RFC1: variants seen among roughly 807,000 people sequenced by gnomAD.
The protein encoded by RFC1 is replication factor C subunit 1.
A neutral mutation model predicts 137.4 loss-of-function variants in RFC1; 37 were observed. The observed-to-expected ratio is 0.27, with a 90% confidence interval of 0.21 to 0.35. The LOEUF is 0.35. Among genes scored for constraint, RFC1 ranks in the 10% least tolerant of loss-of-function variants. The probability of loss-of-function intolerance (pLI) is 1.00; values close to 1 mark genes in which losing one functional copy is unlikely to be tolerated. For synonymous variants in RFC1, 429 were observed against 455.7 expected (o/e 0.94, Z 0.75); for missense variants, 1,205 against 1,358.5 (o/e 0.89, Z 1.78).
chr4:39,343,973 G>C (rs1196777267), intron 3 of RFC1, among the ~76,000 whole-genome samples: 1 of 152,080 alleles, frequency 6.6e-6, no homozygotes, highest in Admixed American at 6.5e-5. Context: ...AATTAGCTGG[G>C]CATGGTGGTG....
In RFC1 at chr4:39,321,346, G is replaced by T; in HGVS notation, c.749C>A (p.Thr250Lys). ...KARKDTEAGE[T>K]FSSVQANLSK... ...TAAATTGGCTTGGACAGATGAAAACGTTTCTCCCGCTTCTGTGTCCTTTCG... is the reference window on the plus strand; with the variant it reads ...TAAATTGGCTTGGACAGATGAAAACTTTTCTCCCGCTTCTGTGTCCTTTCG... The change falls in exon 8 of 25, where the codon ACG (threonine) becomes AAG (lysine). Residue 250 changes from threonine (T) to lysine (K), a missense_variant. By Grantham distance (78) the Thr-to-Lys change is moderately conservative. Coordinates refer to ENST00000349703, the MANE Select transcript of RFC1 (RefSeq NM_002913.5). 1.2e-6 allele frequency: 2 copies of T among 1,613,514 alleles called. No individual in the cohort carries two copies. The highest frequency in any genetic ancestry group is 1.7e-6 in the Non-Finnish European group (2 of 1,179,736).
chr4:39,352,206 A>T (rs6835022), intron 1 of RFC1, among the ~76,000 whole-genome samples: 27,261 of 152,012 alleles, frequency 0.18, 2,454 homozygotes, highest in East Asian at 0.23. Context: ...TGTCTGTGGA[A>T]CATATACTCC....
At position 39,288,699 on chromosome 4, in the gene RFC1, T is replaced by C. The variant is rs540475650; in HGVS notation, c.*62A>G. 1 of 1,048,504 alleles carries C rather than the reference T, an allele frequency of 9.5e-7. No individual in the cohort carries two copies. Among genetic ancestry groups the C allele is most frequent in the Non-Finnish European group, 1.5e-6 (1 of 682,336 alleles). 65.0% of individuals were successfully genotyped at this position (1,048,504 alleles called of 1,614,324 possible). A position where few individuals can be genotyped will look rare whatever the true frequency, so the allele number is the denominator to read the frequency against. ...CTCTGGGAAAAAACAAGGCTTTCTC[T>C]AGACCAGCTGGACTGGTCAGGAGGG... is the stretch of plus-strand genomic sequence containing the variant. On this transcript the variant is annotated 3_prime_UTR_variant, in exon 25 of 25. Transcript: ENST00000349703.
At chr4:39,328,826 G>C (rs1739922611) in intron 4 of RFC1, among the ~76,000 whole-genome samples, 1 of 152,150 alleles carries the variant, frequency 6.6e-6, no homozygotes, top group Non-Finnish European at 1.5e-5. Flanking sequence ...AATGCAGGGA[G>C]ACCACTTAGA....
intron 5 of RFC1, among the ~76,000 whole-genome samples, 155 bp from the exon 6 acceptor site, chr4:39,326,795 T>C (rs1224121979): frequency 6.6e-6 from 1 of 152,238 alleles, no homozygotes; most frequent in Non-Finnish European, 1.5e-5. Context: ...GTCAAATTTA[T>C]GGCTACTCCC....
rs1347363976 is a variant in RFC1 at position 39,320,542 on chromosome 4, A to G, written c.936T>C (p.Ser312=). The change falls in exon 9 of 25, where the codon TCT becomes TCC. Residue 312 remains serine, a synonymous_variant. Coordinates refer to ENST00000349703, the MANE Select transcript of RFC1 (RefSeq NM_002913.5). ...TTGCCAGCTTAGAACTGGCCTTGGG[A>G]GAAGAGACTTCTCCTATTTTGTCAG... ...SSADKIGEVS[S]PKASSKLAIM... The G allele has an allele frequency of 6.2e-7, 1 of 1,613,238 alleles. No individual in the cohort carries two copies. Among genetic ancestry groups the G allele is most frequent in the Admixed American group, 1.7e-5 (1 of 59,892 alleles).
chr4:39,317,066 T>C (rs761498499), intron 9 of RFC1, 44 bp from the exon 10 acceptor site: 59 of 1,244,820 alleles, frequency 4.7e-5, no homozygotes, highest in Non-Finnish European at 6.5e-5. Context: ...CATACAGAAT[T>C]CATGCAAAAT....
chr4:39,316,993 T>C lies in RFC1; in HGVS notation c.1125A>G (p.Lys375=), dbSNP rs755862302. The C allele has an allele frequency of 5.0e-6, 8 of 1,613,864 alleles. No individual in the cohort carries two copies. The East Asian group carries it at 1.1e-4, about 22-fold the overall frequency. Residue 375 remains lysine (K), a synonymous_variant, in exon 10 of 25, where the codon AAA becomes AAG. Coordinates refer to ENST00000349703, the MANE Select transcript of RFC1 (RefSeq NM_002913.5). The part of the protein sequence containing the change: ...ESVSPEDSEK[K]RTNYQAYRSY... ...TTCGATAAGCTTGATAATTAGTGCG[T>C]TTCTTTTCAGAATCTTCAGGACTTA...
chr4:39,329,099 C>CAATA (rs1388922575), intron 4 of RFC1, among the ~76,000 whole-genome samples: 1 of 64,470 alleles, frequency 1.6e-5, no homozygotes, highest in Admixed American at 2.5e-4. Flanking sequence ...AAAAGGGCCT[C>CAATA]AATAAATTTG....
chr4:39,360,519 T>A lies in RFC1; in HGVS notation c.3+5720A>T, dbSNP rs1228116802. On this transcript the variant is annotated intron_variant, in intron 1 of 24. Coordinates refer to ENST00000349703, the MANE Select transcript of RFC1 (RefSeq NM_002913.5). ...ACTCCATCTCTATACAAAATAAAAT[T>A]AAAATAAAATAAAATAAAATAAAAT... 1.0e-4 allele frequency among the ~76,000 whole-genome samples: 3 copies of A among 29,722 alleles called. No homozygotes were observed. In the East Asian group the frequency reaches 1.9e-3, roughly 19 times the overall value. The allele number at this position is 29,722 out of a possible 152,430, so 19.5% of individuals were successfully genotyped here.
chr4:39,294,238 G>A (rs1205078141), intron 22 of RFC1, among the ~76,000 whole-genome samples: 1 of 152,160 alleles, frequency 6.6e-6, no homozygotes, highest in African/African-American at 2.4e-5. Flanking sequence ...TAATAAAATA[G>A]AATTTTACAG....
intron 2 of RFC1, among the ~76,000 whole-genome samples, chr4:39,351,052 C>T (rs1166475556): frequency 1.3e-5 from 2 of 151,796 alleles, no homozygotes; most frequent in Admixed American, 6.6e-5. Context: ...AGATCGAGAC[C>T]ATCCTGGCTA....
chr4:39,341,674 TAAC>T (rs1199783110), intron 4 of RFC1: 2 of 456,240 alleles, frequency 4.4e-6, no homozygotes, highest in Admixed American at 4.7e-5. Context: ...CTCTAAGGGT[TAAC>T]AACATTACAA....
intron 10 of RFC1, among the ~76,000 whole-genome samples, chr4:39,313,403 C>G (rs1472769188): frequency 2.6e-5 from 4 of 152,190 alleles, no homozygotes; most frequent in African/African-American, 7.2e-5. Flanking sequence ...TGTTTCGAAA[C>G]AATGTACTTT....
intron 4 of RFC1, among the ~76,000 whole-genome samples, chr4:39,337,657 A>G (rs1446584234): frequency 6.6e-6 from 1 of 152,168 alleles, no homozygotes; most frequent in African/African-American, 2.4e-5. Flanking sequence ...GTTTCCCTGC[A>G]AACATCTAAG....
rs1025816421 is a variant in RFC1, at chr4:39,288,517, C to T, written c.*244G>A. Reference sequence around the variant, plus strand: ...CCAATTCTACAGTCATTCAGAAGCACGTCTAACTAGATTGACAGAGGACAG... The same window carrying T: ...CCAATTCTACAGTCATTCAGAAGCATGTCTAACTAGATTGACAGAGGACAG... On this transcript the variant is annotated 3_prime_UTR_variant, in exon 25 of 25. Transcript: ENST00000349703. 11 of 363,450 alleles carry T rather than the reference C, an allele frequency of 3.0e-5. No homozygotes were observed. Among genetic ancestry groups the T allele is most frequent in the South Asian group, 7.4e-5 (1 of 13,442 alleles). The allele number at this position is 363,450 out of a possible 1,614,324, so 22.5% of individuals were successfully genotyped here. A position where few individuals can be genotyped will look rare whatever the true frequency, so the allele number is the denominator to read the frequency against.
At chr4:39,357,521 G>A (rs1741536211) in intron 1 of RFC1, among the ~76,000 whole-genome samples, 1 of 151,960 alleles carries the variant, frequency 6.6e-6, no homozygotes, top group Non-Finnish European at 1.5e-5. Flanking sequence ...ATTTGAGACT[G>A]TTTATGCCTG....
At chr4:39,365,339 G>T in intron 1 of RFC1, 1 of 402,020 alleles carries the variant, frequency 2.5e-6, no homozygotes, top group Non-Finnish European at 3.4e-6. Flanking sequence ...TGTTGTCACT[G>T]TGACACGTTG....
intron 22 of RFC1, 77 bp from the exon 23 acceptor site, chr4:39,291,929 T>C: frequency 9.7e-7 from 1 of 1,026,602 alleles, no homozygotes; most frequent in Non-Finnish European, 1.5e-6. Context: ...AGCACTGAGT[T>C]AATCAGGCAG....
Sources: gnomAD v4.1 joint callset for allele counts (sites outside exome capture counted in the v4.1 genomes callset) on GRCh38, gnomAD v4.1.1 for gene constraint, MANE v1.5 for transcripts, NCBI Gene and HGNC (gene_info 2026-07-23, HGNC 2026-07-21) for gene names.